FAM53C: variants seen among roughly 807,000 people sequenced by gnomAD.
FAM53C encodes family with sequence similarity 53 member C.
FAM53C carries 10 observed loss-of-function variants against 34.7 expected under a neutral mutation model. The ratio of observed to expected loss-of-function variants is 0.29; its 90% confidence interval spans 0.18 to 0.49. FAM53C has a LOEUF of 0.49. Ranked by LOEUF, FAM53C falls within the 20% of genes least tolerant of loss-of-function variation. The pLI, the probability that FAM53C is intolerant of heterozygous loss-of-function variation, is 0.99. For synonymous variants in FAM53C, 203 were observed against 203.6 expected, an observed-to-expected ratio of 1.00 and a Z score of 0.03; for missense variants, 442 against 515.3, an observed-to-expected ratio of 0.86 and a Z score of 1.38.
Position 138,345,253 on chromosome 5 carries a change from T to C in FAM53C, c.565T>C (p.Tyr189His), listed in dbSNP as rs759738000. 2 of 1,614,166 alleles carry C rather than the reference T, an allele frequency of 1.2e-6. No individual in the cohort carries two copies. Among genetic ancestry groups the C allele is most frequent in the East Asian group, 2.2e-5 (1 of 44,874 alleles). Residue 189 changes from tyrosine (Y) to histidine (H), a missense_variant, in exon 4 of 5, where the codon TAC (tyrosine) becomes CAC (histidine). Coordinates refer to ENST00000239906, the MANE Select transcript of FAM53C (RefSeq NM_016605.3). The surrounding 1 kb of genome is among the most constrained non-coding windows in gnomAD (Gnocchi z 6.3). ...TCAATGTGCCCCAGCTCACAGACCC[T>C]ACAGCCCTCCTTTCTTCAGCCTGGC... ...SSQCAPAHRP[Y>H]SPPFFSLALA...
Position 138,338,266 on chromosome 5 carries a change from A to G in FAM53C, c.-194A>G. 9.9e-7 allele frequency: 1 copy of G among 1,011,574 alleles called. No homozygotes were observed. Among genetic ancestry groups the G allele is most frequent in the Non-Finnish European group, 1.4e-6 (1 of 735,258 alleles). 62.7% of individuals were successfully genotyped at this position (1,011,574 alleles called of 1,614,324 possible). A position where few individuals can be genotyped will look rare whatever the true frequency, so the allele number is the denominator to read the frequency against. On this transcript the variant is annotated 5_prime_UTR_variant, in exon 1 of 5. Coordinates refer to ENST00000239906, the MANE Select transcript of FAM53C (RefSeq NM_016605.3). ...GCACCGTGGGGCGAACCGAGCGCTCAGAGCTGCTCCGGCCGCGGCCCTGGG... is the reference window on the plus strand; with the variant it reads ...GCACCGTGGGGCGAACCGAGCGCTCGGAGCTGCTCCGGCCGCGGCCCTGGG...
In FAM53C at chr5:138,348,170, A is replaced by G. The variant is rs912207609; in HGVS notation, c.*1211A>G. 1 of 152,698 alleles carries G rather than the reference A, an allele frequency of 6.5e-6. No homozygotes were observed. Among genetic ancestry groups the G allele is most frequent in the Non-Finnish European group, 1.5e-5 (1 of 68,080 alleles). The allele number at this position is 152,698 out of a possible 1,614,324, so 9.5% of individuals were successfully genotyped here. On this transcript the variant is annotated 3_prime_UTR_variant, in exon 5 of 5. Coordinates refer to ENST00000239906, the MANE Select transcript of FAM53C (RefSeq NM_016605.3). ...TGCCAGGAAGTGTTTATTTGCCTCT[A>G]ATTGGGCCTGAGAGACCATAGGGAG...
In FAM53C at chr5:138,345,326, G is replaced by T; in HGVS notation, c.638G>T (p.Gly213Val). ...SRPCAASPQS[G>V]SWESDAESLS... is the part of the protein sequence containing the mutation. ...CCCTGCGCCGCCTCCCCTCAAAGTG[G>T]CTCCTGGGAGAGTGATGCTGAGTCC... is the stretch of plus-strand genomic sequence containing the variant. The change falls in exon 4 of 5, where the codon GGC becomes GTC. Residue 213 changes from glycine to valine, a missense_variant. Gly to Val is a moderately radical substitution (Grantham distance 109). Coordinates refer to ENST00000239906, the MANE Select transcript of FAM53C (RefSeq NM_016605.3). This position sits in a 1 kb window ranked among gnomAD's most constrained non-coding sequence, Gnocchi z 6.3. The T allele has an allele frequency of 1.2e-6, 2 of 1,614,192 alleles. No individual in the cohort carries two copies. Among genetic ancestry groups the T allele is most frequent in the Non-Finnish European group, 1.7e-6 (2 of 1,180,032 alleles).
chr5:138,338,880 G>A (rs1185793409), intron 1 of FAM53C, among the ~76,000 whole-genome samples: 1 of 152,182 alleles, frequency 6.6e-6, no homozygotes, highest in Non-Finnish European at 1.5e-5. Flanking sequence ...GTCCCCAAAG[G>A]GTTTGTGACT....
chr5:138,344,887 T>C lies in FAM53C; in HGVS notation c.199T>C (p.Phe67Leu), dbSNP rs1376542527. The change falls in exon 4 of 5, where the codon TTC becomes CTC. Residue 67 changes from phenylalanine to leucine, a missense_variant. Phe to Leu is a conservative substitution (Grantham distance 22, BLOSUM62 0). Transcript: ENST00000239906. Reference protein sequence around the residue: ...SCAEFQDSLNFSYHPSGLSLH... With the variant: ...SCAEFQDSLNLSYHPSGLSLH... ...TGCTGAGTTCCAGGACAGCCTCAACTTCAGCTACCATCCCTCAGGCCTGAG... is the reference window on the plus strand; with the variant it reads ...TGCTGAGTTCCAGGACAGCCTCAACCTCAGCTACCATCCCTCAGGCCTGAG... 1 of 1,612,316 alleles carries C rather than the reference T, an allele frequency of 6.2e-7. No individual in the cohort carries two copies. Among genetic ancestry groups the C allele is most frequent in the South Asian group, 1.1e-5 (1 of 90,834 alleles).
At position 138,348,408 on chromosome 5, in the gene FAM53C, T is replaced by C. The variant is rs1233269511; in HGVS notation, c.*1449T>C. On this transcript the variant is annotated 3_prime_UTR_variant, in exon 5 of 5. Transcript: ENST00000239906. ...ACACATACTGAAGCTGCCACCACAA[T>C]AGCTTGTGAGGTTTTATCCAGCTGT... 1 of 152,244 alleles carries C rather than the reference T, an allele frequency of 6.6e-6. No homozygotes were observed. Among genetic ancestry groups the C allele is most frequent in the African/African-American group, 2.4e-5 (1 of 41,466 alleles). 9.4% of individuals were successfully genotyped at this position (152,244 alleles called of 1,614,324 possible).
At chr5:138,341,133 G>T in intron 1 of FAM53C, 51 bp from the exon 2 acceptor site, 1 of 681,884 alleles carries the variant, frequency 1.5e-6, no homozygotes, top group Non-Finnish European at 2.7e-6. Flanking sequence ...TTCCATCTCT[G>T]GACCAGGTGC....
Position 138,341,879 on chromosome 5 carries a change from G to A in FAM53C, c.136+13G>A. ...CAGCTTGTGTCTGGTAAGGCATCGT[G>A]TGTGTTTGTGTACGTGTGTGTACCC... On this transcript the variant is annotated intron_variant, in intron 3 of 4. Transcript: ENST00000239906. The A allele has an allele frequency of 6.2e-7, 1 of 1,613,662 alleles. No individual in the cohort carries two copies. Among genetic ancestry groups the A allele is most frequent in the Admixed American group, 1.7e-5 (1 of 60,020 alleles).
At chr5:138,338,331 G>C (rs1186716371) in intron 1 of FAM53C, 24 bp downstream of exon 1, 4 of 465,646 alleles carry the variant, frequency 8.6e-6, no homozygotes, top group African/African-American at 2.0e-5. Flanking sequence ...GGCAGGTGGC[G>C]CTGGGGCCTC....
intron 2 of FAM53C, 186 bp from the exon 3 acceptor site, chr5:138,341,623 G>A: frequency 1.4e-6 from 1 of 726,844 alleles, no homozygotes; most frequent in South Asian, 1.7e-5. Flanking sequence ...GGGTGGAGAA[G>A]GGTTTGAGAT....
rs1034946889 is a variant in FAM53C at position 138,338,324 on chromosome 5, A to G, written c.-153+17A>G. On this transcript the variant is annotated intron_variant, in intron 1 of 4. Coordinates refer to ENST00000239906, the MANE Select transcript of FAM53C (RefSeq NM_016605.3). ...GGAACCGCGGTAGGTGGTGGAGGGCAGGTGGCGCTGGGGCCTCGGGGCGGG... is the reference window on the plus strand; with the variant it reads ...GGAACCGCGGTAGGTGGTGGAGGGCGGGTGGCGCTGGGGCCTCGGGGCGGG... The G allele has an allele frequency of 6.1e-6, 3 of 491,082 alleles. No individual in the cohort carries two copies. The highest frequency in any genetic ancestry group is 1.1e-5 in the Non-Finnish European group (3 of 266,928). The allele number at this position is 491,082 out of a possible 1,614,324, so 30.4% of individuals were successfully genotyped here.
chr5:138,346,802 C>A lies in FAM53C; in HGVS notation c.1022C>A (p.Ala341Asp). 2 of 1,614,172 alleles carry A rather than the reference C, an allele frequency of 1.2e-6. No homozygotes were observed. Among genetic ancestry groups the A allele is most frequent in the Non-Finnish European group, 1.7e-6 (2 of 1,180,030 alleles). ...FMACSPPPLSASCSPTGGSSQ... is the reference protein window; with the variant it reads ...FMACSPPPLSDSCSPTGGSSQ... ...GCCTGTAGCCCCCCACCCCTCTCTGCTTCCTGCAGCCCCACTGGGGGTTCC... is the reference window on the plus strand; with the variant it reads ...GCCTGTAGCCCCCCACCCCTCTCTGATTCCTGCAGCCCCACTGGGGGTTCC... Residue 341 changes from alanine to aspartate, a missense_variant, in exon 5 of 5, where the codon GCT (alanine) becomes GAT (aspartate). Ala to Asp is a moderately radical substitution (Grantham distance 126). Transcript: ENST00000239906.
At position 138,338,299 on chromosome 5, in the gene FAM53C, G is replaced by A. The variant is rs1760868731; in HGVS notation, c.-161G>A. The A allele has an allele frequency of 1.5e-6, 1 of 649,052 alleles. No homozygotes were observed. Among genetic ancestry groups the A allele is most frequent in the Middle Eastern group, 3.2e-4 (1 of 3,120 alleles). 40.2% of individuals were successfully genotyped at this position (649,052 alleles called of 1,614,324 possible). On this transcript the variant is annotated 5_prime_UTR_variant, in exon 1 of 5. Coordinates refer to ENST00000239906, the MANE Select transcript of FAM53C (RefSeq NM_016605.3). ...TCCGGCCGCGGCCCTGGGAGCTGGA[G>A]GAACCGCGGTAGGTGGTGGAGGGCA...
intron 1 of FAM53C, among the ~76,000 whole-genome samples, chr5:138,338,518 C>T (rs1760895107): frequency 6.6e-6 from 1 of 152,058 alleles, no homozygotes; most frequent in African/African-American, 2.4e-5. Flanking sequence ...CCTGAGTTCG[C>T]TTCCCGCGGC....
chr5:138,338,304 C>T lies in FAM53C; in HGVS notation c.-156C>T, dbSNP rs116204410. 33 of 601,322 alleles carry T rather than the reference C, an allele frequency of 5.5e-5. No individual in the cohort carries two copies. Among genetic ancestry groups the T allele is most frequent in the African/African-American group, 5.1e-4 (27 of 52,476 alleles). 37.2% of individuals were successfully genotyped at this position (601,322 alleles called of 1,614,324 possible). On this transcript the variant is annotated 5_prime_UTR_variant, in exon 1 of 5. Coordinates refer to ENST00000239906, the MANE Select transcript of FAM53C (RefSeq NM_016605.3). ...CCGCGGCCCTGGGAGCTGGAGGAAC[C>T]GCGGTAGGTGGTGGAGGGCAGGTGG...
At chr5:138,346,638 T>A in intron 4 of FAM53C, 64 bp from the exon 5 acceptor site, 1 of 1,599,092 alleles carries the variant, frequency 6.3e-7, no homozygotes, top group Non-Finnish European at 8.5e-7. Context: ...AAAAAAAGTT[T>A]ACAAACCTCA....
chr5:138,346,990 G>A lies in FAM53C; in HGVS notation c.*31G>A. The A allele has an allele frequency of 1.2e-6, 2 of 1,612,888 alleles. No individual in the cohort carries two copies. The highest frequency in any genetic ancestry group is 1.7e-6 in the Non-Finnish European group (2 of 1,179,646). On this transcript the variant is annotated 3_prime_UTR_variant, in exon 5 of 5. Transcript: ENST00000239906. ...AGAGGCTACTTCCTGGGGCCACACAGACTGACTCTCTCATGGCTACTAACA... is the reference window on the plus strand; with the variant it reads ...AGAGGCTACTTCCTGGGGCCACACAAACTGACTCTCTCATGGCTACTAACA...
intron 1 of FAM53C, 44 bp from the exon 2 acceptor site, chr5:138,341,140 G>T: frequency 1.4e-6 from 1 of 694,852 alleles, no homozygotes; most frequent in South Asian, 1.5e-5. Flanking sequence ...TCTGGACCAG[G>T]TGCATCTCTA....
At position 138,347,543 on chromosome 5, in the gene FAM53C, T is replaced by C. The variant is rs796674368; in HGVS notation, c.*584T>C. 1.9e-5 allele frequency: 3 copies of C among 155,766 alleles called. No individual in the cohort carries two copies. Among genetic ancestry groups the C allele is most frequent in the African/African-American group, 7.2e-5 (3 of 41,536 alleles). 9.6% of individuals were successfully genotyped at this position (155,766 alleles called of 1,614,324 possible). On this transcript the variant is annotated 3_prime_UTR_variant, in exon 5 of 5. Transcript: ENST00000239906. ...AAGAGGAGGGCACCAAGTTTTCCTT[T>C]TTTCTAAATAGCTCTGGAACCAGGC...
Sources: gnomAD v4.1 joint callset for allele counts (sites outside exome capture counted in the v4.1 genomes callset) on GRCh38, gnomAD v4.1.1 for gene constraint, Gnocchi (gnomAD v3.1) non-coding constraint, MANE v1.5 for transcripts, NCBI Gene and HGNC (gene_info 2026-07-23, HGNC 2026-07-21) for gene names.